The following USP8 variants were observed in gnomAD, a reference collection of about 807,000 sequenced individuals.
The protein encoded by USP8 is ubiquitin specific peptidase 8.
A neutral mutation model predicts 130.0 loss-of-function variants in USP8; 27 were observed. The observed-to-expected ratio is 0.21, with a 90% confidence interval of 0.15 to 0.29. The LOEUF is 0.29. Among genes scored for constraint, USP8 ranks in the 10% least tolerant of loss-of-function variants. USP8 has a pLI of 1.00. For synonymous variants in USP8, 392 were observed against 444.1 expected (o/e 0.88, Z 1.48); for missense variants, 1,029 against 1,312.2 (o/e 0.78, Z 3.33).
Position 50,501,163 on chromosome 15 carries a change from T to G in USP8, c.*2075T>G, listed in dbSNP as rs566803495. On this transcript the variant is annotated 3_prime_UTR_variant, in exon 20 of 20. Coordinates refer to ENST00000307179, the MANE Select transcript of USP8 (RefSeq NM_005154.5). ...TTAAGCATTAAAGGAAATTTTACAA[T>G]AAGAAGATAATTCAGGCCGGGCACA... The G allele has an allele frequency of 2.9e-4, 72 of 245,142 alleles. 2 individuals carry two copies. Among genetic ancestry groups the G allele is most frequent in the South Asian group, 1.7e-3 (34 of 19,664 alleles). 15.2% of individuals were successfully genotyped at this position (245,142 alleles called of 1,614,324 possible). A position where few individuals can be genotyped will look rare whatever the true frequency, so the allele number is the denominator to read the frequency against.
At chr15:50,477,212 G>A (rs371156959) in intron 9 of USP8, 64 bp from the exon 10 acceptor site, 1 of 1,433,674 alleles carries the variant, frequency 7.0e-7, no homozygotes, top group Non-Finnish European at 9.5e-7. Context: ...ACACGCATGA[G>A]AAATGTAAGT....
At chr15:50,495,017 T>TA (rs34381291) in intron 16 of USP8, among the ~76,000 whole-genome samples, 2,822 of 113,474 alleles carry the variant, frequency 0.025, 33 homozygotes, top group Admixed American at 0.034. Context: ...AGACTCTTTC[T>TA]AAAAAAAAAA....
intron 1 of USP8, among the ~76,000 whole-genome samples, chr15:50,436,434 A>G (rs1192733128): frequency 6.6e-6 from 1 of 152,100 alleles, no homozygotes; most frequent in East Asian, 1.9e-4. Flanking sequence ...GTTTGATATC[A>G]TACTATGCTG....
At chr15:50,448,849 A>G (rs898460529) in intron 3 of USP8, among the ~76,000 whole-genome samples, 1 of 152,100 alleles carries the variant, frequency 6.6e-6, no homozygotes, top group Non-Finnish European at 1.5e-5. Context: ...TTTATTTTCT[A>G]TCATTTGGTT....
chr15:50,495,781 T>G (rs1012155995), intron 16 of USP8, 67 bp from the exon 17 acceptor site: 35 of 1,299,278 alleles, frequency 2.7e-5, no homozygotes, highest in Non-Finnish European at 3.6e-5. Context: ...TGTATTCACT[T>G]TTATTCTTTC....
chr15:50,473,546 C>G (rs2051452769), intron 8 of USP8, among the ~76,000 whole-genome samples: 1 of 151,916 alleles, frequency 6.6e-6, no homozygotes, highest in South Asian at 2.1e-4. Context: ...GTCACCTAGA[C>G]TTGAGTGCAG....
chr15:50,467,443 C>G lies in USP8; in HGVS notation c.686+2252C>G, dbSNP rs569185711. ...GAGTTTCAGTTTGGTGCTAGTATAT[C>G]TTTTAAATACTTGCTTATCTCTCTT... On this transcript the variant is annotated intron_variant, in intron 7 of 19. Coordinates refer to ENST00000307179, the MANE Select transcript of USP8 (RefSeq NM_005154.5). Among the ~76,000 whole-genome samples, 5 of 152,320 alleles carry G rather than the reference C, an allele frequency of 3.3e-5. No individual in the cohort carries two copies. In the East Asian group the frequency reaches 9.6e-4, roughly 29 times the overall value.
chr15:50,436,104 C>G (rs1210884443), intron 1 of USP8, among the ~76,000 whole-genome samples: 1 of 151,994 alleles, frequency 6.6e-6, no homozygotes, highest in Non-Finnish European at 1.5e-5. Context: ...AATCACTTAC[C>G]TCCCTACTTC....
chr15:50,459,673 CATTA>C (rs773885576), intron 5 of USP8, among the ~76,000 whole-genome samples: 17 of 152,100 alleles, frequency 1.1e-4, no homozygotes, highest in Non-Finnish European at 2.2e-4. Flanking sequence ...ATTTTCTCTG[CATTA>C]ATTCGTTTTT....
At chr15:50,447,052 G>A (rs2050466717) in intron 3 of USP8, among the ~76,000 whole-genome samples, 1 of 152,214 alleles carries the variant, frequency 6.6e-6, no homozygotes, top group African/African-American at 2.4e-5. Flanking sequence ...AAATTAAAAA[G>A]TGTTTAGAAT....
rs202190406 is a variant in USP8, at chr15:50,497,011, GACTA to G, written c.2896-72_2896-69del. 8 of 1,516,568 alleles carry G rather than the reference GACTA, an allele frequency of 5.3e-6. No homozygotes were observed. The African/African-American group carries it at 7.0e-5, about 13-fold the overall frequency. The allele number at this position is 1,516,568 out of a possible 1,614,324, so 93.9% of individuals were successfully genotyped here. On this transcript the variant is annotated intron_variant, in intron 17 of 19. Coordinates refer to ENST00000307179, the MANE Select transcript of USP8 (RefSeq NM_005154.5). ...GTTGAATCACTGGTGCCTGCAGAGT[GACTA>G]ACTAAATAGGTGCTCTCTGACATTA... is the stretch of plus-strand genomic sequence containing the variant.
chr15:50,467,437 G>A (rs899367971), intron 7 of USP8, among the ~76,000 whole-genome samples: 2 of 152,204 alleles, frequency 1.3e-5, no homozygotes, highest in African/African-American at 4.8e-5. Flanking sequence ...TTTGGTGCTA[G>A]TATATCTTTT....
chr15:50,429,861 C>A (rs948506986), intron 1 of USP8, among the ~76,000 whole-genome samples: 4 of 152,058 alleles, frequency 2.6e-5, no homozygotes, highest in African/African-American at 9.7e-5. Flanking sequence ...TGGCTCCCTA[C>A]TTAATGATTT....
At chr15:50,473,980 C>T (rs2051475720) in intron 8 of USP8, among the ~76,000 whole-genome samples, 1 of 151,730 alleles carries the variant, frequency 6.6e-6, no homozygotes, top group Non-Finnish European at 1.5e-5. Flanking sequence ...GGATTACAGG[C>T]GCCCACCATC....
At chr15:50,484,124 G>T (rs2051869140) in intron 11 of USP8, 151 bp from the exon 12 acceptor site, 1 of 503,902 alleles carries the variant, frequency 2.0e-6, no homozygotes. Flanking sequence ...TATTTTGAAT[G>T]TGACAGTAAA....
intron 1 of USP8, among the ~76,000 whole-genome samples, chr15:50,427,978 C>T (rs1320669092): frequency 6.6e-6 from 1 of 152,056 alleles, no homozygotes; most frequent in African/African-American, 2.4e-5. Context: ...CTGCCTCAGC[C>T]TCCCAAGTAG....
intron 4 of USP8, among the ~76,000 whole-genome samples, chr15:50,454,279 T>G (rs928114016): frequency 6.6e-6 from 1 of 152,196 alleles, no homozygotes; most frequent in Non-Finnish European, 1.5e-5. Flanking sequence ...CCTCCATTGT[T>G]TCTGATATTA....
At chr15:50,481,124 C>T (rs564225679) in intron 10 of USP8, among the ~76,000 whole-genome samples, 17 of 152,076 alleles carry the variant, frequency 1.1e-4, no homozygotes, top group South Asian at 6.2e-4. Flanking sequence ...TGTTGACACT[C>T]AAATGGAAAT....
chr15:50,493,199 G>A (rs1438613575), intron 15 of USP8: 8 of 520,406 alleles, frequency 1.5e-5, no homozygotes, highest in Non-Finnish European at 2.2e-5. Flanking sequence ...CTGTTCACCC[G>A]GGAGGGGAGC....
Sources: allele counts gnomAD v4.1 joint callset (sites outside exome capture counted in the v4.1 genomes callset), GRCh38; gene constraint gnomAD v4.1.1; transcripts MANE v1.5; gene names NCBI Gene and HGNC (gene_info 2026-07-23, HGNC 2026-07-21).